ZMAT4: variants seen among roughly 807,000 people sequenced by gnomAD.
ZMAT4 encodes the protein zinc finger matrin-type protein 4.
A neutral mutation model predicts 28.7 loss-of-function variants in ZMAT4; 17 were observed. The observed-to-expected ratio is 0.59, with a 90% CI of 0.41 to 0.89. ZMAT4 has a LOEUF of 0.89. Among genes scored for constraint, ZMAT4 ranks in the 40% least tolerant of loss-of-function variants. The pLI is 0.00. For synonymous variants in ZMAT4, 117 were observed against 109.2 expected (o/e 1.07, Z -0.44); for missense variants, 240 against 283.8 (o/e 0.85, Z 1.11).
At chr8:40,753,352 C>T (rs1242574540) in intron 3 of ZMAT4, among the ~76,000 whole-genome samples, 1 of 152,168 alleles carries the variant, frequency 6.6e-6, no homozygotes, top group African/African-American at 2.4e-5. Context: ...TCCCCACCAT[C>T]ACTGCAAAAC....
At chr8:40,626,745 G>A (rs1281676519) in intron 5 of ZMAT4, among the ~76,000 whole-genome samples, 3 of 152,172 alleles carry the variant, frequency 2.0e-5, no homozygotes, top group African/African-American at 7.2e-5. Flanking sequence ...AGAAGGCAAA[G>A]CAACACTGGG....
At chr8:40,559,156 C>G (rs952796362) in intron 6 of ZMAT4, among the ~76,000 whole-genome samples, 6 of 152,148 alleles carry the variant, frequency 3.9e-5, no homozygotes, top group Admixed American at 1.3e-4. Flanking sequence ...TGTTCTACAA[C>G]CATAACTATA....
chr8:40,759,547 A>T lies in ZMAT4; in HGVS notation c.192+8094T>A, dbSNP rs73613431. 9.7e-3 allele frequency among the ~76,000 whole-genome samples: 1,471 copies of T among 152,244 alleles called. 27 individuals carry two copies. The highest frequency in any genetic ancestry group is 0.033 in the African/African-American group (1,369 of 41,550). On this transcript the variant is annotated intron_variant, in intron 3 of 6. Coordinates refer to ENST00000297737, the MANE Select transcript of ZMAT4 (RefSeq NM_024645.3). The stretch of plus-strand genomic sequence containing the variant: ...TGTTCATCTGCAAAGCAGGATGAGA[A>T]CCCTCGCCAGAAACTGAATCGGCTG...
intron 2 of ZMAT4, among the ~76,000 whole-genome samples, chr8:40,805,152 A>G (rs1193212454): frequency 6.6e-6 from 1 of 152,188 alleles, no homozygotes; most frequent in East Asian, 1.9e-4. Flanking sequence ...ATGACTCAAA[A>G]GAAGACATTT....
intron 3 of ZMAT4, among the ~76,000 whole-genome samples, chr8:40,720,655 G>A (rs928974230): frequency 1.3e-5 from 2 of 150,272 alleles, no homozygotes; most frequent in Non-Finnish European, 2.9e-5. Flanking sequence ...AGCCTCCCAA[G>A]TAGCTAAGAT....
intron 1 of ZMAT4, among the ~76,000 whole-genome samples, chr8:40,841,467 C>A (rs562593617): frequency 1.8e-4 from 27 of 152,326 alleles, no homozygotes; most frequent in African/African-American, 6.3e-4. Flanking sequence ...TCCTCTGCAT[C>A]TGTCATGTGC....
chr8:40,889,305 G>T (rs967517386), intron 1 of ZMAT4, among the ~76,000 whole-genome samples: 1 of 152,232 alleles, frequency 6.6e-6, no homozygotes, highest in Non-Finnish European at 1.5e-5. Flanking sequence ...CGCATTTCAC[G>T]TGAGCGTTTA....
intron 1 of ZMAT4, among the ~76,000 whole-genome samples, chr8:40,870,664 C>T (rs1817825738): frequency 6.6e-6 from 1 of 152,104 alleles, no homozygotes; most frequent in African/African-American, 2.4e-5. Flanking sequence ...TTCATAGAGC[C>T]CAAGAATATT....
chr8:40,571,653 G>C (rs1804103143), intron 6 of ZMAT4, among the ~76,000 whole-genome samples: 1 of 152,126 alleles, frequency 6.6e-6, no homozygotes, highest in Non-Finnish European at 1.5e-5. Flanking sequence ...CTTTCAGGGA[G>C]AAGAGCTATT....
chr8:40,811,847 C>T (rs1041881174), intron 2 of ZMAT4, among the ~76,000 whole-genome samples: 35 of 152,072 alleles, frequency 2.3e-4, no homozygotes, highest in Admixed American at 4.6e-4. Context: ...AAATACATGC[C>T]GGACCAGGCA....
chr8:40,702,969 A>G (rs1214776171), intron 3 of ZMAT4, among the ~76,000 whole-genome samples: 1 of 152,208 alleles, frequency 6.6e-6, no homozygotes, highest in Non-Finnish European at 1.5e-5. Flanking sequence ...ATTAAAAAGC[A>G]TAGTGGATAG....
At chr8:40,667,044 G>A (rs1808444479) in intron 5 of ZMAT4, among the ~76,000 whole-genome samples, 3 of 151,960 alleles carry the variant, frequency 2.0e-5, no homozygotes, top group Admixed American at 2.0e-4. Context: ...GGCGCCATTT[G>A]TAGTCAAAAG....
intron 5 of ZMAT4, among the ~76,000 whole-genome samples, chr8:40,629,584 G>T (rs1321659263): frequency 4.3e-4 from 59 of 136,894 alleles, no homozygotes; most frequent in Non-Finnish European, 8.0e-4. Flanking sequence ...AGGCCCCGGT[G>T]TGTGATGTTC....
chr8:40,657,664 T>C (rs1823644), intron 5 of ZMAT4, among the ~76,000 whole-genome samples: 128,369 of 152,142 alleles, frequency 0.84, 55,053 homozygotes, highest in Non-Finnish European at 0.92. Flanking sequence ...TGTCAATATG[T>C]TCTTAGAAAT....
chr8:40,610,458 T>G (rs958255441), intron 5 of ZMAT4, among the ~76,000 whole-genome samples: 2 of 152,102 alleles, frequency 1.3e-5, no homozygotes, highest in African/African-American at 4.8e-5. Context: ...CCAAAGACAA[T>G]CTAACAAAAA....
chr8:40,879,813 AG>A (rs1400245112), intron 1 of ZMAT4, among the ~76,000 whole-genome samples: 1 of 152,244 alleles, frequency 6.6e-6, no homozygotes, highest in East Asian at 1.9e-4. Context: ...TCCATTAGCC[AG>A]TTTGAAGATA....
chr8:40,601,864 T>C (rs1429020226), intron 5 of ZMAT4, among the ~76,000 whole-genome samples: 1 of 152,172 alleles, frequency 6.6e-6, no homozygotes, highest in East Asian at 1.9e-4. Flanking sequence ...TGTTTTTGTT[T>C]TTATTGACTT....
intron 2 of ZMAT4, among the ~76,000 whole-genome samples, chr8:40,781,092 A>C (rs1423175227): frequency 6.6e-6 from 1 of 152,222 alleles, no homozygotes; most frequent in Non-Finnish European, 1.5e-5. Flanking sequence ...ACTGGAAAGA[A>C]GAAATAAAAC....
At chr8:40,559,905 A>T (rs1026129067) in intron 6 of ZMAT4, among the ~76,000 whole-genome samples, 2 of 152,122 alleles carry the variant, frequency 1.3e-5, no homozygotes, top group African/African-American at 4.8e-5. Flanking sequence ...GATGACCCAG[A>T]AATAATCCCT....
Sources: allele counts gnomAD v4.1 joint callset (sites outside exome capture counted in the v4.1 genomes callset), GRCh38; gene constraint gnomAD v4.1.1; transcripts MANE v1.5; gene names NCBI Gene and HGNC (gene_info 2026-07-23, HGNC 2026-07-21).